The following RPTOR variants were observed in gnomAD, a reference collection of about 807,000 sequenced individuals.
RPTOR encodes the protein regulatory associated protein of MTOR complex 1.
A neutral mutation model predicts 169.9 loss-of-function variants in RPTOR; 21 were observed. The observed-to-expected ratio is 0.12, with a 90% CI of 0.09 to 0.18. The LOEUF is 0.18. RPTOR is among the 10% of genes least tolerant of loss of function. The pLI is 1.00. For synonymous variants in RPTOR, 732 were observed against 753.2 expected (o/e 0.97, Z 0.46); for missense variants, 1,133 against 1,855.9 (o/e 0.61, Z 7.16).
At position 80,823,354 on chromosome 17, in the gene RPTOR, T is replaced by C; in HGVS notation, c.1136+131T>C. The C allele has an allele frequency of 8.8e-7, 1 of 1,135,054 alleles. No individual in the cohort carries two copies. The allele number at this position is 1,135,054 out of a possible 1,614,324, so 70.3% of individuals were successfully genotyped here. ...GGGGACCCCGTGTAGCATTAACAAGTGAAGCTAAATGCAGGGCTCCCAGAG... is the reference window on the plus strand; with the variant it reads ...GGGGACCCCGTGTAGCATTAACAAGCGAAGCTAAATGCAGGGCTCCCAGAG... On this transcript the variant is annotated intron_variant, in intron 9 of 33. Transcript: ENST00000306801. The surrounding 1 kb of genome is among the most constrained non-coding windows in gnomAD (Gnocchi z 4.5).
At chr17:80,924,982 G>T (rs1284606549) in intron 23 of RPTOR, among the ~76,000 whole-genome samples, 2 of 152,244 alleles carry the variant, frequency 1.3e-5, no homozygotes, top group Non-Finnish European at 2.9e-5. Flanking sequence ...TCTCAGTCTG[G>T]TGTCACGGGG....
intron 5 of RPTOR, among the ~76,000 whole-genome samples, chr17:80,750,423 G>A (rs1437701841): frequency 6.6e-6 from 1 of 152,202 alleles, no homozygotes; most frequent in African/African-American, 2.4e-5. Flanking sequence ...TCAGGACTGT[G>A]TGCTTCACTC....
intron 7 of RPTOR, among the ~76,000 whole-genome samples, chr17:80,808,920 C>T (rs1008720703): frequency 5.3e-5 from 8 of 152,192 alleles, no homozygotes; most frequent in African/African-American, 1.9e-4. Flanking sequence ...CCTGTTGATG[C>T]GCGTTTGAAT....
chr17:80,790,187 C>T (rs969460422), intron 6 of RPTOR, among the ~76,000 whole-genome samples: 6 of 152,178 alleles, frequency 3.9e-5, no homozygotes, highest in African/African-American at 1.2e-4. Context: ...TGGGGCCACA[C>T]GGGGCACTTG....
chr17:80,889,778 G>A (rs2063790), intron 17 of RPTOR, among the ~76,000 whole-genome samples: 50,099 of 128,548 alleles, frequency 0.39, 12,113 homozygotes, highest in Admixed American at 0.47. Context: ...AGCGAGGCCC[G>A]CCATCTCCAG....
intron 13 of RPTOR, among the ~76,000 whole-genome samples, chr17:80,877,703 C>T (rs545845887): frequency 6.6e-5 from 10 of 152,146 alleles, no homozygotes; most frequent in Non-Finnish European, 1.3e-4. Context: ...TGAGTCTTTA[C>T]GTGGACGGCG....
rs189837892 is a variant in RPTOR at position 80,906,923 on chromosome 17, C to T, written c.2402-1888C>T. Among the ~76,000 whole-genome samples, 1,041 of 152,204 alleles carry T rather than the reference C, an allele frequency of 6.8e-3. 17 individuals are homozygous for T. The highest frequency in any genetic ancestry group is 0.024 in the African/African-American group (995 of 41,512). Reference sequence around the variant, plus strand: ...GACCTCTGCACTCACGGTGGGGGCGCGCACAGCAGGGGTAGACACTGGCCC... The same window carrying T: ...GACCTCTGCACTCACGGTGGGGGCGTGCACAGCAGGGGTAGACACTGGCCC... On this transcript the variant is annotated intron_variant, in intron 20 of 33. Coordinates refer to ENST00000306801, the MANE Select transcript of RPTOR (RefSeq NM_020761.3).
At chr17:80,810,138 C>T (rs1301808182) in intron 7 of RPTOR, among the ~76,000 whole-genome samples, 2 of 151,732 alleles carry the variant, frequency 1.3e-5, no homozygotes, top group East Asian at 1.9e-4. Flanking sequence ...TGATGAAGTC[C>T]GATTTCATCA....
rs771285939 is a variant in RPTOR, at chr17:80,708,037, A to G, written c.507+38A>G. ...TCCAGCTTCCTTCCCGTTTCTGCCA[A>G]AAGCCATGCCAATTGCGGTGGTCGG... On this transcript the variant is annotated intron_variant, in intron 4 of 33. Coordinates refer to ENST00000306801, the MANE Select transcript of RPTOR (RefSeq NM_020761.3). The surrounding 1 kb of genome is among the most constrained non-coding windows in gnomAD (Gnocchi z 4.2). The G allele has an allele frequency of 6.3e-7, 1 of 1,596,856 alleles. No individual in the cohort carries two copies. The highest frequency in any genetic ancestry group is 8.5e-7 in the Non-Finnish European group (1 of 1,170,500).
intron 9 of RPTOR, among the ~76,000 whole-genome samples, chr17:80,824,326 C>A (rs892957611): frequency 6.6e-6 from 1 of 152,042 alleles, no homozygotes; most frequent in African/African-American, 2.4e-5. Flanking sequence ...TGAAGTAAAC[C>A]ATTTAAATAA....
intron 10 of RPTOR, among the ~76,000 whole-genome samples, chr17:80,842,569 A>G (rs1193160617): frequency 1.3e-5 from 2 of 152,310 alleles, no homozygotes; most frequent in South Asian, 4.1e-4. Context: ...TTTAGTTGCT[A>G]TGTATTTATT....
At chr17:80,566,293 A>G (rs2064839080) in intron 1 of RPTOR, among the ~76,000 whole-genome samples, 1 of 152,220 alleles carries the variant, frequency 6.6e-6, no homozygotes, top group South Asian at 2.1e-4. Context: ...GCTTCTGTGC[A>G]GCAAATAGAG....
Position 80,885,123 on chromosome 17 carries a change from G to GCGAC in RPTOR, c.1959_1962dup (p.Gly655ArgfsTer22). ...GCCATGATGCTGGCCCAGCTGGTCA[G>GCGAC]CGACGGGAGCCCCATGGTCCGGAAG... On this transcript the variant is annotated frameshift_variant, in exon 17 of 34. Transcript: ENST00000306801. LOFTEE classifies it high-confidence loss of function. 6.4e-7 allele frequency: 1 copy of GCGAC among 1,564,208 alleles called. No homozygotes were observed. Among genetic ancestry groups the GCGAC allele is most frequent in the Non-Finnish European group, 8.7e-7 (1 of 1,154,552 alleles).
At chr17:80,766,008 C>T (rs1950378601) in intron 6 of RPTOR, among the ~76,000 whole-genome samples, 1 of 152,198 alleles carries the variant, frequency 6.6e-6, no homozygotes, top group Non-Finnish European at 1.5e-5. Context: ...TTGTAATTAT[C>T]TGTTTACAGT....
intron 9 of RPTOR, among the ~76,000 whole-genome samples, chr17:80,828,169 C>T (rs1324476137): frequency 2.0e-5 from 3 of 152,192 alleles, no homozygotes; most frequent in Non-Finnish European, 2.9e-5. Flanking sequence ...TCGTTGTCAG[C>T]GTGAGGAAGC....
At chr17:80,591,656 G>A (rs1159018460) in intron 1 of RPTOR, among the ~76,000 whole-genome samples, 1 of 152,106 alleles carries the variant, frequency 6.6e-6, no homozygotes, top group Admixed American at 6.6e-5. Flanking sequence ...TAGGATTACA[G>A]GCTTCAGCCA....
At chr17:80,634,679 TGTGCGTACTGTGTGC>T (rs1194253045) in intron 2 of RPTOR, among the ~76,000 whole-genome samples, 28 of 126,496 alleles carry the variant, frequency 2.2e-4, no homozygotes, top group South Asian at 2.6e-4. Flanking sequence ...GCGTACTGTG[TGTGCGTACTGTGTGC>T]GTGTGCGTAC....
chr17:80,730,506 C>A lies in RPTOR; in HGVS notation c.508-54C>A, dbSNP rs2143203543. On this transcript the variant is annotated intron_variant, in intron 4 of 33. Transcript: ENST00000306801. The surrounding 1 kb of genome is among the most constrained non-coding windows in gnomAD (Gnocchi z 4.2). The stretch of plus-strand genomic sequence containing the variant: ...TTTGTAACGGTGCAGTACTCACCAG[C>A]AGCCCATATTCCTGAGACGCACATG... The A allele has an allele frequency of 1.3e-6, 2 of 1,594,258 alleles. No individual in the cohort carries two copies. The highest frequency in any genetic ancestry group is 1.7e-6 in the Non-Finnish European group (2 of 1,163,806).
At chr17:80,554,770 A>AAACAC (rs1555713033) in intron 1 of RPTOR, among the ~76,000 whole-genome samples, 1 of 47,546 alleles carries the variant, frequency 2.1e-5, no homozygotes. Context: ...AAACAAAACA[A>AAACAC]ACAACAACAA....
Sources: gnomAD v4.1 joint callset for allele counts (sites outside exome capture counted in the v4.1 genomes callset) on GRCh38, gnomAD v4.1.1 for gene constraint, Gnocchi (gnomAD v3.1) non-coding constraint, MANE v1.5 for transcripts, NCBI Gene and HGNC (gene_info 2026-07-23, HGNC 2026-07-21) for gene names.